Variants in FAT3 observed in about 807,000 individuals in gnomAD.
FAT3 encodes FAT atypical cadherin 3, also known as protocadherin Fat 3.
FAT3 carries 95 observed loss-of-function variants against 310.2 expected under a neutral mutation model. The observed-to-expected ratio is 0.31, with a 90% CI of 0.26 to 0.36. The LOEUF (loss-of-function observed/expected upper bound fraction) is 0.36. Ranked by LOEUF, FAT3 falls within the 10% of genes least tolerant of loss-of-function variation. FAT3 has a pLI of 1.00. For synonymous variants in FAT3, 2,314 were observed against 2,192.9 expected, an observed-to-expected ratio of 1.06 and a Z score of -1.54; for missense variants, 5,408 against 5,715.6, an observed-to-expected ratio of 0.95 and a Z score of 1.74.
intron 3 of FAT3, among the ~76,000 whole-genome samples, chr11:92,588,315 G>C (rs556610): frequency 0.19 from 28,616 of 151,596 alleles, 2,932 homozygotes; most frequent in African/African-American, 0.27. Context: ...ATAAGTTGCT[G>C]TTCCAGGGCA....
chr11:92,280,199 G>A (rs1283658406), intron 1 of FAT3, among the ~76,000 whole-genome samples: 1 of 152,116 alleles, frequency 6.6e-6, no homozygotes, highest in African/African-American at 2.4e-5. Flanking sequence ...ATGAGCTGAG[G>A]TACTTTGACT....
At position 92,790,060 on chromosome 11, in the gene FAT3, A is replaced by G; in HGVS notation, c.4453A>G (p.Thr1485Ala). The G allele has an allele frequency of 6.2e-7, 1 of 1,613,866 alleles. No homozygotes were observed. The highest frequency in any genetic ancestry group is 8.5e-7 in the Non-Finnish European group (1 of 1,179,766). The change falls in exon 8 of 28, where the codon ACA (threonine) becomes GCA (alanine). Residue 1485 changes from threonine to alanine, a missense_variant. By Grantham distance (58) the Thr-to-Ala change is moderately conservative. Coordinates refer to ENST00000525166, the MANE Select transcript of FAT3 (RefSeq NM_001367949.2). ...PDTEILQIEA[T>A]DRDEKHKLSY... ...CACGGAGATCCTGCAGATTGAAGCC[A>G]CAGATAGAGATGAGAAGCACAAGCT...
chr11:92,238,491 T>G (rs1864530087), intron 1 of FAT3, among the ~76,000 whole-genome samples: 1 of 152,018 alleles, frequency 6.6e-6, no homozygotes, highest in Non-Finnish European at 1.5e-5. Context: ...CAAGCAGGTT[T>G]TGTTTGTTTG....
chr11:92,361,918 GA>G (rs1948891799), intron 2 of FAT3, among the ~76,000 whole-genome samples: 4 of 152,270 alleles, frequency 2.6e-5, no homozygotes, highest in African/African-American at 9.6e-5. Context: ...AGATGCAAGA[GA>G]TGATGCTGGT....
At chr11:92,839,046 G>A (rs1948474041) in intron 17 of FAT3, among the ~76,000 whole-genome samples, 1 of 152,166 alleles carries the variant, frequency 6.6e-6, no homozygotes, top group Non-Finnish European at 1.5e-5. Context: ...CTCCATGACT[G>A]TTGCTCACAA....
intron 1 of FAT3, among the ~76,000 whole-genome samples, chr11:92,266,753 G>C (rs910275312): frequency 2.6e-5 from 4 of 152,102 alleles, no homozygotes; most frequent in Non-Finnish European, 5.9e-5. Flanking sequence ...TGTTTCTTCT[G>C]TTTGTTGGGA....
chr11:92,592,157 C>G (rs1939456617), intron 3 of FAT3, among the ~76,000 whole-genome samples: 1 of 151,742 alleles, frequency 6.6e-6, no homozygotes, highest in African/African-American at 2.4e-5. Flanking sequence ...TTCTGTAAAC[C>G]TAGAAGTGTT....
chr11:92,571,064 A>G (rs1955649847), intron 3 of FAT3, among the ~76,000 whole-genome samples: 1 of 152,158 alleles, frequency 6.6e-6, no homozygotes, highest in Admixed American at 6.6e-5. Context: ...TCAAAAACAA[A>G]CAAACAAAAA....
chr11:92,861,013 G>A (rs961478088), intron 21 of FAT3, among the ~76,000 whole-genome samples: 9 of 152,210 alleles, frequency 5.9e-5, no homozygotes, highest in African/African-American at 1.2e-4. Flanking sequence ...TTTAGAGAAC[G>A]ATGCATTCAA....
intron 2 of FAT3, among the ~76,000 whole-genome samples, chr11:92,381,004 C>A (rs1056038328): frequency 6.6e-6 from 1 of 152,156 alleles, no homozygotes; most frequent in Non-Finnish European, 1.5e-5. Context: ...TCACCCATAC[C>A]CATTAAACTA....
chr11:92,298,546 A>T (rs911987027), intron 1 of FAT3, among the ~76,000 whole-genome samples: 6 of 152,122 alleles, frequency 3.9e-5, no homozygotes, highest in Non-Finnish European at 5.9e-5. Context: ...TAGCAGCATA[A>T]AGGAAGAGAT....
At chr11:92,751,298 A>G (rs956511215) in intron 4 of FAT3, among the ~76,000 whole-genome samples, 4 of 152,160 alleles carry the variant, frequency 2.6e-5, no homozygotes, top group African/African-American at 9.7e-5. Context: ...ATCTTACTCC[A>G]AGACTGATAA....
At position 92,889,861 on chromosome 11, in the gene FAT3, G is replaced by A. The variant is rs778473225; in HGVS notation, c.13117G>A (p.Val4373Ile). Residue 4373 changes from valine (V) to isoleucine (I), a missense_variant, in exon 27 of 28, where the codon GTC becomes ATC. By Grantham distance (29) the Val-to-Ile change is conservative. Transcript: ENST00000525166. ...TTCACTTTGTATTTAAACAGTGTCT[G>A]TCATGGACCAAGGACAGAACTACAA... The part of the protein sequence containing the change: ...VVDTIENEVS[V>I]MDQGQNYNRA... 2 of 717,922 alleles carry A rather than the reference G, an allele frequency of 2.8e-6. No individual in the cohort carries two copies. The highest frequency in any genetic ancestry group is 1.5e-5 in the South Asian group (1 of 67,612). 44.5% of individuals were successfully genotyped at this position (717,922 alleles called of 1,614,324 possible). A position where few individuals can be genotyped will look rare whatever the true frequency, so the allele number is the denominator to read the frequency against.
At position 92,883,489 on chromosome 11, in the gene FAT3, A is replaced by C; in HGVS notation, c.12937+96A>C. 3 of 1,428,906 alleles carry C rather than the reference A, an allele frequency of 2.1e-6. No individual in the cohort carries two copies. Among genetic ancestry groups the C allele is most frequent in the South Asian group, 2.8e-5 (2 of 72,146 alleles). The allele number at this position is 1,428,906 out of a possible 1,614,324, so 88.5% of individuals were successfully genotyped here. On this transcript the variant is annotated intron_variant, in intron 24 of 27. Transcript: ENST00000525166. This position sits in a 1 kb window ranked among gnomAD's most constrained non-coding sequence, Gnocchi z 4.2. ...CTACGGGAAGGGAGAGAGACCCCGC[A>C]TGCAGAGCATTCGCTATGACATGTG...
intron 1 of FAT3, among the ~76,000 whole-genome samples, chr11:92,268,266 G>A (rs140261504): frequency 8.1e-4 from 123 of 152,130 alleles, no homozygotes; most frequent in African/African-American, 2.8e-3. Context: ...GCAGAGATAG[G>A]TTTTGAATTT....
At chr11:92,391,093 A>T (rs190588169) in intron 2 of FAT3, among the ~76,000 whole-genome samples, 81 of 152,198 alleles carry the variant, frequency 5.3e-4, no homozygotes, top group Non-Finnish European at 9.1e-4. Flanking sequence ...GCAGTTAACA[A>T]CTCCAAGTAG....
At chr11:92,226,377 C>T (rs1863908057) in intron 1 of FAT3, among the ~76,000 whole-genome samples, 1 of 151,736 alleles carries the variant, frequency 6.6e-6, no homozygotes, top group Non-Finnish European at 1.5e-5. Context: ...AACTTTTATT[C>T]ACTTTCCACC....
At chr11:92,263,491 A>T (rs1865640850) in intron 1 of FAT3, among the ~76,000 whole-genome samples, 1 of 151,930 alleles carries the variant, frequency 6.6e-6, no homozygotes, top group African/African-American at 2.4e-5. Flanking sequence ...TTTGTGAAAA[A>T]CTTTTCTTCC....
chr11:92,661,732 A>G (rs1306991061), intron 3 of FAT3, among the ~76,000 whole-genome samples: 3 of 152,116 alleles, frequency 2.0e-5, no homozygotes, highest in Non-Finnish European at 4.4e-5. Flanking sequence ...TGCAAAGAGG[A>G]ATGTTTCAGA....
Sources: gnomAD v4.1 joint callset for allele counts (sites outside exome capture counted in the v4.1 genomes callset) on GRCh38, gnomAD v4.1.1 for gene constraint, Gnocchi (gnomAD v3.1) non-coding constraint, MANE v1.5 for transcripts, NCBI Gene and HGNC (gene_info 2026-07-23, HGNC 2026-07-21) for gene names.